The following APBA1 variants were observed in gnomAD, a reference collection of about 807,000 sequenced individuals.
The protein encoded by APBA1 is amyloid beta precursor protein binding family A member 1.
A neutral mutation model predicts 86.6 loss-of-function variants in APBA1; 55 were observed. The observed-to-expected ratio is 0.64, with a 90% CI of 0.51 to 0.80. APBA1 has a LOEUF of 0.80. APBA1 is among the 30% of genes least tolerant of loss of function. The pLI, the probability that APBA1 is intolerant of heterozygous loss-of-function variation, is 0.00. For synonymous variants in APBA1, 511 were observed against 493.9 expected (o/e 1.03, Z -0.46); for missense variants, 1,090 against 1,183.0 (o/e 0.92, Z 1.15).
chr9:69,635,361 A>G (rs755548522), intron 1 of APBA1, among the ~76,000 whole-genome samples: 8 of 152,162 alleles, frequency 5.3e-5, no homozygotes, highest in Non-Finnish European at 8.8e-5. Flanking sequence ...AACATAAAAC[A>G]TATACACACA....
chr9:69,671,086 C>T lies in APBA1; in HGVS notation c.-70+1067G>A, dbSNP rs1381257144. Among the ~76,000 whole-genome samples the T allele has an allele frequency of 2.6e-5, 4 of 152,084 alleles. No homozygotes were observed. The East Asian group carries it at 7.7e-4, about 29-fold the overall frequency. ...CCTCCAGAGTTCATTCTAAAAGAAC[C>T]AACACAAAGACCATCCATCCTCTAG... is the stretch of plus-strand genomic sequence containing the variant. On this transcript the variant is annotated intron_variant, in intron 1 of 12. Coordinates refer to ENST00000265381, the MANE Select transcript of APBA1 (RefSeq NM_001163.4).
chr9:69,432,091 A>T (rs1834610825), intron 12 of APBA1, among the ~76,000 whole-genome samples: 2 of 152,252 alleles, frequency 1.3e-5, no homozygotes, highest in South Asian at 4.1e-4. Flanking sequence ...ACTGACTGAC[A>T]GCTGTGATGA....
intron 2 of APBA1, among the ~76,000 whole-genome samples, chr9:69,488,560 A>T (rs1323041119): frequency 6.6e-6 from 1 of 152,144 alleles, no homozygotes; most frequent in Non-Finnish European, 1.5e-5. Context: ...AATGTTCAGC[A>T]GCTTTTTGAA....
At chr9:69,660,804 C>T (rs901327356) in intron 1 of APBA1, among the ~76,000 whole-genome samples, 3 of 152,042 alleles carry the variant, frequency 2.0e-5, no homozygotes, top group Non-Finnish European at 4.4e-5. Context: ...TATTATCTTT[C>T]TCAGTGTTAA....
At chr9:69,457,417 G>A (rs763636866) in intron 6 of APBA1, among the ~76,000 whole-genome samples, 1 of 152,182 alleles carries the variant, frequency 6.6e-6, no homozygotes, top group Non-Finnish European at 1.5e-5. Flanking sequence ...CTCTTTGAAC[G>A]ATGATGGCAA....
intron 2 of APBA1, among the ~76,000 whole-genome samples, chr9:69,506,487 G>A (rs1057156188): frequency 4.6e-4 from 36 of 78,852 alleles, no homozygotes; most frequent in African/African-American, 1.7e-3. Context: ...AGCGAGGCTC[G>A]GGGAGGGGCG....
In APBA1 at chr9:69,428,321, C is replaced by T. The variant is rs1404281151; in HGVS notation, c.*3006G>A. 1 of 152,280 alleles carries T rather than the reference C, an allele frequency of 6.6e-6. No individual in the cohort carries two copies. The highest frequency in any genetic ancestry group is 1.9e-4 in the East Asian group (1 of 5,198). 9.4% of individuals were successfully genotyped at this position (152,280 alleles called of 1,614,324 possible). A position where few individuals can be genotyped will look rare whatever the true frequency, so the allele number is the denominator to read the frequency against. On this transcript the variant is annotated 3_prime_UTR_variant, in exon 13 of 13. Coordinates refer to ENST00000265381, the MANE Select transcript of APBA1 (RefSeq NM_001163.4). The stretch of plus-strand genomic sequence containing the variant: ...ACCCGTGCACAGGGACCCGGCACCC[C>T]TGCCATGCACTCCTAGGAGCCTGCT...
rs1564104886 is a variant in APBA1 at position 69,658,278 on chromosome 9, T to TC, written c.-70+13874_-70+13875insG. 1.9e-3 allele frequency among the ~76,000 whole-genome samples: 127 copies of TC among 65,576 alleles called. 4 individuals carry two copies. Among genetic ancestry groups the TC allele is most frequent in the African/African-American group, 6.3e-3 (109 of 17,402 alleles). 43.0% of individuals were successfully genotyped at this position (65,576 alleles called of 152,430 possible). ...TTTCTTTCTTTCTTTCTTTCTTTCT[T>TC]TCTTTCTCTCTCTCTTTCTCTCTCT... On this transcript the variant is annotated intron_variant, in intron 1 of 12. Transcript: ENST00000265381.
chr9:69,485,152 C>G (rs966512464), intron 2 of APBA1, among the ~76,000 whole-genome samples: 1 of 151,906 alleles, frequency 6.6e-6, no homozygotes, highest in Admixed American at 6.6e-5. Context: ...TAGTCTTTGC[C>G]TTTGATGACT....
At chr9:69,667,257 G>A (rs1461922776) in intron 1 of APBA1, among the ~76,000 whole-genome samples, 1 of 152,112 alleles carries the variant, frequency 6.6e-6, no homozygotes, top group Non-Finnish European at 1.5e-5. Flanking sequence ...TGTATTTAGT[G>A]AGATTAAATG....
chr9:69,600,807 A>G (rs145536089), intron 1 of APBA1, among the ~76,000 whole-genome samples: 1,870 of 113,094 alleles, frequency 0.017, 38 homozygotes, highest in African/African-American at 0.079. Flanking sequence ...AAAAAATAAT[A>G]ATAAATAAAT....
At chr9:69,511,028 C>T (rs368337321) in intron 2 of APBA1, among the ~76,000 whole-genome samples, 21 of 150,386 alleles carry the variant, frequency 1.4e-4, no homozygotes, top group South Asian at 2.1e-4. Context: ...ACTTCATGTC[C>T]AAAACACCAA....
intron 1 of APBA1, 36 bp from the exon 2 acceptor site, chr9:69,517,315 T>C (rs1024794199): frequency 2.7e-5 from 38 of 1,393,848 alleles, no homozygotes; most frequent in Non-Finnish European, 3.5e-5. Context: ...TGTCACGTGG[T>C]GCAAACAGTC....
At chr9:69,610,082 C>T (rs1049816430) in intron 1 of APBA1, among the ~76,000 whole-genome samples, 1 of 152,182 alleles carries the variant, frequency 6.6e-6, no homozygotes, top group African/African-American at 2.4e-5. Flanking sequence ...CTTTGGGAGG[C>T]CAAAGCAAGA....
chr9:69,465,684 G>A (rs910673209), intron 5 of APBA1, among the ~76,000 whole-genome samples: 2 of 152,214 alleles, frequency 1.3e-5, no homozygotes, highest in African/African-American at 4.8e-5. Context: ...AGTCCCAAAA[G>A]GTATGAAGGT....
At chr9:69,648,172 ACT>A (rs1823427084) in intron 1 of APBA1, among the ~76,000 whole-genome samples, 1 of 152,118 alleles carries the variant, frequency 6.6e-6, no homozygotes, top group Admixed American at 6.5e-5. Context: ...CAGCTACTAG[ACT>A]CTTGGCTACA....
intron 2 of APBA1, 82 bp downstream of exon 2, chr9:69,515,929 C>A (rs1836132978): frequency 1.7e-5 from 24 of 1,423,338 alleles, no homozygotes; most frequent in Non-Finnish European, 2.1e-5. Context: ...AAAGTCACTA[C>A]CCAAGGGCAC....
At chr9:69,609,909 C>T (rs1822550261) in intron 1 of APBA1, among the ~76,000 whole-genome samples, 1 of 152,140 alleles carries the variant, frequency 6.6e-6, no homozygotes, top group Admixed American at 6.5e-5. Context: ...AGTGATTCTC[C>T]CGCCCTGGTC....
chr9:69,547,940 A>G (rs1836723754), intron 1 of APBA1, among the ~76,000 whole-genome samples: 1 of 152,220 alleles, frequency 6.6e-6, no homozygotes, highest in African/African-American at 2.4e-5. Context: ...GAACTTGTAC[A>G]GATGTTACCT....
Sources: allele counts gnomAD v4.1 joint callset (sites outside exome capture counted in the v4.1 genomes callset), GRCh38; gene constraint gnomAD v4.1.1; transcripts MANE v1.5; gene names NCBI Gene and HGNC (gene_info 2026-07-23, HGNC 2026-07-21).